The following COL5A2 variants were observed in gnomAD, a reference collection of about 807,000 sequenced individuals.
COL5A2 encodes the protein collagen alpha-2(V) chain.
A neutral mutation model predicts 208.2 loss-of-function variants in COL5A2; 23 were observed. The observed-to-expected ratio is 0.11, with a 90% CI of 0.08 to 0.16. COL5A2 has a LOEUF of 0.16. COL5A2 is among the 10% of genes least tolerant of loss of function. COL5A2 has a pLI of 1.00. For missense variants in COL5A2, 1,590 were observed against 1,956.4 expected, an observed-to-expected ratio of 0.81 and a Z score of 3.53; for synonymous variants, 625 against 628.5, an observed-to-expected ratio of 0.99 and a Z score of 0.08.
chr2:189,328,527 G>C, the COL5A2 span, among the ~76,000 whole-genome samples: 1 of 152,144 alleles, frequency 6.6e-6, no homozygotes, highest in Admixed American at 6.5e-5. Flanking sequence ...GGACATACCA[G>C]TTAATTCTCC....
chr2:189,304,462 A>G, the COL5A2 span, among the ~76,000 whole-genome samples: 1 of 152,292 alleles, frequency 6.6e-6, no homozygotes, highest in African/African-American at 2.4e-5. Flanking sequence ...CAGGAAGCAT[A>G]TTGCCCGCAT....
intron 2 of COL5A2, among the ~76,000 whole-genome samples, chr2:189,106,402 G>T (rs1249463906): frequency 6.6e-6 from 1 of 151,214 alleles, no homozygotes; most frequent in Non-Finnish European, 1.5e-5. Flanking sequence ...CTTCTATGAT[G>T]TAATTGTTTA....
rs555881089 is a variant in COL5A2, at chr2:189,153,383, G to A, written c.97+26125C>T. 5.5e-4 allele frequency among the ~76,000 whole-genome samples: 83 copies of A among 152,230 alleles called. 1 individual carries two copies. In the Middle Eastern group the frequency reaches 0.01, roughly 19 times the overall value. ...ACAGATGAAGAAACTGAACATTCTA[G>A]AGCTTACATGATTCAGTCAAGACCA... On this transcript the variant is annotated intron_variant, in intron 1 of 53. Transcript: ENST00000374866.
chr2:189,042,051 G>A (rs1220704264), intron 49 of COL5A2, among the ~76,000 whole-genome samples: 2 of 152,110 alleles, frequency 1.3e-5, no homozygotes, highest in African/African-American at 2.4e-5. Flanking sequence ...AAATTTCTGT[G>A]CTTATGCCTC....
intron 1 of COL5A2, among the ~76,000 whole-genome samples, chr2:189,146,171 A>G (rs374415744): frequency 3.9e-5 from 6 of 152,284 alleles, no homozygotes; most frequent in African/African-American, 1.4e-4. Context: ...TTTAGTAAGA[A>G]TTGTACTGCA....
chr2:189,047,628 G>A (rs983630008), intron 45 of COL5A2, among the ~76,000 whole-genome samples: 1 of 152,162 alleles, frequency 6.6e-6, no homozygotes, highest in African/African-American at 2.4e-5. Context: ...GCTACATGAT[G>A]AGCTTTAATT....
chr2:189,039,338 C>T lies in COL5A2; in HGVS notation c.3859G>A (p.Gly1287Ser), dbSNP rs1559073572. The T allele has an allele frequency of 6.2e-7, 1 of 1,614,056 alleles. No individual in the cohort carries two copies. Among genetic ancestry groups the T allele is most frequent in the Non-Finnish European group, 8.5e-7 (1 of 1,180,014 alleles). The change falls in exon 51 of 54, where the codon GGC becomes AGC. Residue 1287 changes from glycine to serine, a missense_variant. Transcript: ENST00000374866. The part of the protein sequence containing the change: ...SQIETMRSPD[G>S]SKKHPARTCD... ...GTGCGGGCTGGGTGCTTTTTCGAGCCATCGGGGCTGCGCATGGTTTCAATC... is the reference window on the plus strand; with the variant it reads ...GTGCGGGCTGGGTGCTTTTTCGAGCTATCGGGGCTGCGCATGGTTTCAATC...
At chr2:189,228,379 GA>G (rs1378328355), upstream of COL5A2, among the ~76,000 whole-genome samples, 1 of 151,392 alleles carries the variant, frequency 6.6e-6, no homozygotes, top group Non-Finnish European at 1.5e-5. Flanking sequence ...TTGGCCTTTT[GA>G]AAAAATCAAC....
At chr2:189,375,567 T>A in the COL5A2 span, among the ~76,000 whole-genome samples, 1 of 152,192 alleles carries the variant, frequency 6.6e-6, no homozygotes, top group Non-Finnish European at 1.5e-5. Flanking sequence ...AGAGATAATG[T>A]TATTTCTCAA....
the COL5A2 span, among the ~76,000 whole-genome samples, chr2:189,341,584 T>C: frequency 6.6e-6 from 1 of 152,088 alleles, no homozygotes; most frequent in Admixed American, 6.6e-5. Context: ...AAGCACACAA[T>C]AATTTGTTTT....
At chr2:189,128,787 CT>C (rs1171702941) in intron 1 of COL5A2, among the ~76,000 whole-genome samples, 1 of 151,954 alleles carries the variant, frequency 6.6e-6, no homozygotes, top group East Asian at 1.9e-4. Context: ...CCTTTCCTTC[CT>C]TACGTCCAGC....
At chr2:189,050,090 G>T (rs1685751830) in intron 43 of COL5A2, among the ~76,000 whole-genome samples, 1 of 152,006 alleles carries the variant, frequency 6.6e-6, no homozygotes, top group African/African-American at 2.4e-5. Flanking sequence ...AAATCCTAAA[G>T]CACCCTCCAG....
intron 1 of COL5A2, among the ~76,000 whole-genome samples, chr2:189,190,969 G>A (rs1184792143): frequency 6.6e-6 from 1 of 152,030 alleles, no homozygotes; most frequent in African/African-American, 2.4e-5. Flanking sequence ...AAAGGAATGA[G>A]TTCTATTATA....
chr2:189,414,782 T>C, the COL5A2 span, among the ~76,000 whole-genome samples: 1 of 150,762 alleles, frequency 6.6e-6, no homozygotes, highest in African/African-American at 2.4e-5. Flanking sequence ...AAAAAGAATG[T>C]TTCCGTTCTA....
chr2:189,217,667 G>A (rs1441055222), intron 1 of COL5A2, among the ~76,000 whole-genome samples: 2 of 152,160 alleles, frequency 1.3e-5, no homozygotes, highest in African/African-American at 4.8e-5. Flanking sequence ...GTCTAGCAGA[G>A]GCGCAGCTTC....
chr2:189,156,272 C>T (rs1224942856), intron 1 of COL5A2, among the ~76,000 whole-genome samples: 1 of 152,030 alleles, frequency 6.6e-6, no homozygotes, highest in African/African-American at 2.4e-5. Flanking sequence ...AGCTCAGAGA[C>T]TTGTTCATTA....
At chr2:189,351,898 TG>T in the COL5A2 span, among the ~76,000 whole-genome samples, 2 of 152,110 alleles carry the variant, frequency 1.3e-5, no homozygotes, top group Non-Finnish European at 2.9e-5. Flanking sequence ...CATGGTGGTT[TG>T]CTGCACCCAT....
At chr2:189,242,519 G>C in the COL5A2 span, among the ~76,000 whole-genome samples, 4 of 152,016 alleles carry the variant, frequency 2.6e-5, no homozygotes, top group Non-Finnish European at 5.9e-5. Context: ...CTGCTTCACT[G>C]TACTCACCCA....
At chr2:189,215,000 A>C (rs1385778620) in intron 1 of COL5A2, among the ~76,000 whole-genome samples, 1 of 152,140 alleles carries the variant, frequency 6.6e-6, no homozygotes, top group African/African-American at 2.4e-5. Context: ...CTTCAGTTTA[A>C]AATTGTGATA....
Sources: gnomAD v4.1 joint callset for allele counts (sites outside exome capture counted in the v4.1 genomes callset) on GRCh38, gnomAD v4.1.1 for gene constraint, MANE v1.5 for transcripts, NCBI Gene and HGNC (gene_info 2026-07-23, HGNC 2026-07-21) for gene names.